The following RABGAP1L variants were observed in gnomAD, a reference collection of about 807,000 sequenced individuals.
RABGAP1L encodes the protein rab GTPase-activating protein 1-like.
RABGAP1L carries 63 observed loss-of-function variants against 137.7 expected under a neutral mutation model. The observed-to-expected ratio is 0.46, with a 90% CI of 0.37 to 0.56. The LOEUF (loss-of-function observed/expected upper bound fraction) is 0.56, where lower values mean the gene tolerates loss of function less well. Ranked by LOEUF, RABGAP1L falls within the 20% of genes least tolerant of loss-of-function variation. The pLI is 0.00. For synonymous variants in RABGAP1L, 431 were observed against 433.7 expected, an observed-to-expected ratio of 0.99 and a Z score of 0.08; for missense variants, 1,095 against 1,244.0, an observed-to-expected ratio of 0.88 and a Z score of 1.80.
At chr1:174,459,479 T>G (rs1308029572) in intron 13 of RABGAP1L, among the ~76,000 whole-genome samples, 1 of 152,110 alleles carries the variant, frequency 6.6e-6, no homozygotes, top group Non-Finnish European at 1.5e-5. Context: ...CACAGATGCT[T>G]AAGTCCCTTT....
At position 174,723,582 on chromosome 1, in the gene RABGAP1L, G is replaced by A. The variant is rs1276120696; in HGVS notation, c.2169+21326G>A. Among the ~76,000 whole-genome samples the A allele has an allele frequency of 2.0e-5, 3 of 152,166 alleles. No homozygotes were observed. In the South Asian group the frequency reaches 6.2e-4, roughly 32 times the overall value. ...ATAAATGAGTGAAGTCTTCTGTGAT[G>A]TCTTTTCGACACATGTATTCAGTGT... On this transcript the variant is annotated intron_variant, in intron 17 of 25. Transcript: ENST00000681986.
intron 19 of RABGAP1L, among the ~76,000 whole-genome samples, chr1:174,817,036 T>G (rs1273751395): frequency 6.6e-6 from 1 of 152,180 alleles, no homozygotes; most frequent in Non-Finnish European, 1.5e-5. Flanking sequence ...GTCAGTCCTT[T>G]TTTTTTGTTT....
chr1:174,968,517 CT>C (rs1669847667), intron 20 of RABGAP1L, among the ~76,000 whole-genome samples: 1 of 137,708 alleles, frequency 7.3e-6, no homozygotes, highest in South Asian at 2.3e-4. Context: ...TTTTTTCTTT[CT>C]TTTTGTTTGT....
At chr1:174,306,924 G>C (rs187398049) in intron 11 of RABGAP1L, among the ~76,000 whole-genome samples, 5 of 151,980 alleles carry the variant, frequency 3.3e-5, no homozygotes, top group Admixed American at 3.3e-4. Flanking sequence ...TTTGAAAAAA[G>C]CATCTTAGAA....
intron 13 of RABGAP1L, among the ~76,000 whole-genome samples, chr1:174,481,883 A>AAAAAAAAAAG (rs1196375275): frequency 1.4e-5 from 2 of 142,872 alleles, no homozygotes; most frequent in East Asian, 1.9e-4. Context: ...ATAAAAAATA[A>AAAAAAAAAAG]AAAAAAAAAG....
At chr1:174,589,050 A>C (rs1395780615) in intron 13 of RABGAP1L, among the ~76,000 whole-genome samples, 1 of 152,172 alleles carries the variant, frequency 6.6e-6, no homozygotes, top group Non-Finnish European at 1.5e-5. Context: ...TGGTTGCACT[A>C]ATTTACATTC....
intron 7 of RABGAP1L, among the ~76,000 whole-genome samples, chr1:174,266,160 G>A (rs1383618991): frequency 3.3e-5 from 5 of 152,140 alleles, no homozygotes; most frequent in Admixed American, 6.5e-5. Context: ...TCTTGGTCAA[G>A]TTATTTAACT....
chr1:174,382,932 T>C (rs1300475292), intron 12 of RABGAP1L, among the ~76,000 whole-genome samples: 1 of 151,226 alleles, frequency 6.6e-6, no homozygotes, highest in Non-Finnish European at 1.5e-5. Context: ...TATGTACTTT[T>C]GGTCTTTGAT....
intron 14 of RABGAP1L, among the ~76,000 whole-genome samples, chr1:174,674,780 C>T (rs901884828): frequency 1.3e-5 from 2 of 152,180 alleles, no homozygotes; most frequent in Non-Finnish European, 2.9e-5. Context: ...GATCGCCATT[C>T]TAACTGGTTT....
chr1:174,621,779 G>A (rs1196859712), intron 13 of RABGAP1L, among the ~76,000 whole-genome samples: 1 of 152,152 alleles, frequency 6.6e-6, no homozygotes, highest in East Asian at 1.9e-4. Context: ...ATACCATTGA[G>A]GACATAGGCA....
At chr1:174,545,892 A>G (rs1665967182) in intron 13 of RABGAP1L, 1 of 152,226 alleles carries the variant, frequency 6.6e-6, no homozygotes, top group Non-Finnish European at 1.5e-5. Context: ...AATAAATATT[A>G]GCTTTGGTTA....
chr1:174,865,218 T>C (rs1387413453), intron 19 of RABGAP1L, among the ~76,000 whole-genome samples: 2 of 152,204 alleles, frequency 1.3e-5, no homozygotes, highest in African/African-American at 2.4e-5. Context: ...GGCACATGCC[T>C]GTAATCCCAG....
At chr1:174,887,169 T>G (rs1401001691) in intron 19 of RABGAP1L, among the ~76,000 whole-genome samples, 1 of 152,124 alleles carries the variant, frequency 6.6e-6, no homozygotes, top group African/African-American at 2.4e-5. Flanking sequence ...TCCAACATCC[T>G]GGAGAAGAAA....
intron 12 of RABGAP1L, among the ~76,000 whole-genome samples, chr1:174,393,280 C>T (rs1647381034): frequency 6.6e-6 from 1 of 152,096 alleles, no homozygotes; most frequent in South Asian, 2.1e-4. Context: ...GAGACAAATT[C>T]AGACATGTAA....
At chr1:174,662,849 T>G (rs1676492804) in intron 14 of RABGAP1L, among the ~76,000 whole-genome samples, 1 of 152,200 alleles carries the variant, frequency 6.6e-6, no homozygotes, top group Non-Finnish European at 1.5e-5. Context: ...GTCTTCATTT[T>G]AAATAAAACA....
At chr1:174,230,593 G>A (rs900822062) in intron 3 of RABGAP1L, among the ~76,000 whole-genome samples, 5 of 152,062 alleles carry the variant, frequency 3.3e-5, no homozygotes, top group African/African-American at 4.8e-5. Context: ...GGGCTCACAC[G>A]GAAATTCCTT....
chr1:174,535,111 T>G (rs1664798699), intron 13 of RABGAP1L, among the ~76,000 whole-genome samples: 3 of 152,216 alleles, frequency 2.0e-5, no homozygotes, highest in Admixed American at 2.0e-4. Flanking sequence ...AGTATTGTTT[T>G]GTTTTCTTGA....
intron 1 of RABGAP1L, among the ~76,000 whole-genome samples, chr1:174,163,280 C>T (rs1180266900): frequency 6.6e-6 from 1 of 152,102 alleles, no homozygotes; most frequent in Non-Finnish European, 1.5e-5. Context: ...CATCAGTGGA[C>T]CCTAATAAGG....
chr1:174,212,616 A>G (rs998426154), intron 1 of RABGAP1L, among the ~76,000 whole-genome samples: 6 of 152,200 alleles, frequency 3.9e-5, no homozygotes, highest in Non-Finnish European at 1.5e-5. Context: ...AAGCGACCTA[A>G]CAATACTTAA....
Sources: allele counts gnomAD v4.1 joint callset (sites outside exome capture counted in the v4.1 genomes callset), GRCh38; gene constraint gnomAD v4.1.1; transcripts MANE v1.5; gene names NCBI Gene and HGNC (gene_info 2026-07-23, HGNC 2026-07-21).